NF1: variants seen among roughly 807,000 people sequenced by gnomAD.
NF1 encodes neurofibromin 1.
A neutral mutation model predicts 325.7 loss-of-function variants in NF1; 122 were observed. The observed-to-expected ratio is 0.37, with a 90% CI of 0.32 to 0.44. The LOEUF is 0.44. Ranked by LOEUF, NF1 falls within the 20% of genes least tolerant of loss-of-function variation. The probability of loss-of-function intolerance (pLI) is 1.00; values close to 1 mark genes in which losing one functional copy is unlikely to be tolerated. For synonymous variants in NF1, 1,091 were observed against 1,186.0 expected, an observed-to-expected ratio of 0.92 and a Z score of 1.65; for missense variants, 2,140 against 3,415.4, an observed-to-expected ratio of 0.63 and a Z score of 9.31.
intron 36 of NF1, among the ~76,000 whole-genome samples, chr17:31,280,652 A>G (rs2068100819): frequency 6.6e-6 from 1 of 152,002 alleles, no homozygotes; most frequent in Non-Finnish European, 1.5e-5. Context: ...GGCTATTACA[A>G]CAATTTCCTA....
At chr17:31,184,666 A>AAAAAAAAAAAAAAAAAAAAAT (rs1567828025) in intron 8 of NF1, among the ~76,000 whole-genome samples, 1 of 140,560 alleles carries the variant, frequency 7.1e-6, no homozygotes, top group East Asian at 2.1e-4. Flanking sequence ...AAAATAAAAA[A>AAAAAAAAAAAAAAAAAAAAAT]AAAAAATAAA....
chr17:31,192,616 G>A (rs2066365894), intron 8 of NF1, among the ~76,000 whole-genome samples: 1 of 152,114 alleles, frequency 6.6e-6, no homozygotes. Context: ...GCTCTTAGTC[G>A]ATTAATCTCC....
chr17:31,144,017 G>T (rs981711804), intron 1 of NF1, among the ~76,000 whole-genome samples: 1 of 151,952 alleles, frequency 6.6e-6, no homozygotes, highest in Non-Finnish European at 1.5e-5. Context: ...TAGAGACAGG[G>T]TTTCACCGTA....
chr17:31,307,184 G>A (rs979936574), intron 36 of NF1, among the ~76,000 whole-genome samples: 2 of 152,006 alleles, frequency 1.3e-5, no homozygotes, highest in Non-Finnish European at 2.9e-5. Context: ...ACCACGCCTG[G>A]CCTATTTTTG....
At chr17:31,097,079 C>T (rs1270955113) in intron 1 of NF1, among the ~76,000 whole-genome samples, 1 of 152,106 alleles carries the variant, frequency 6.6e-6, no homozygotes, top group Admixed American at 6.5e-5. Flanking sequence ...AAATTTTTTT[C>T]AGTTTTTTCT....
chr17:31,148,497 GATTACTATGGGATTGGTCATTAGTC>G lies in NF1; in HGVS notation c.61-7464_61-7440del, dbSNP rs1479491862. On this transcript the variant is annotated intron_variant, in intron 1 of 57. Coordinates refer to ENST00000358273, the MANE Select transcript of NF1 (RefSeq NM_001042492.3). ...TCGTTCAAGATTACAACTGAGTGAG[GATTACTATGGGATTGGTCATTAGTC>G]ATTACTATGGGATTGGTCATTGTTT... Among the ~76,000 whole-genome samples the G allele has an allele frequency of 4.0e-5, 6 of 151,862 alleles. No individual in the cohort carries two copies. The East Asian group carries it at 7.7e-4, about 20-fold the overall frequency.
Position 31,177,706 on chromosome 17 carries a change from A to T in NF1, c.587-3716A>T, listed in dbSNP as rs562120643. On this transcript the variant is annotated intron_variant, in intron 5 of 57. Transcript: ENST00000358273. The stretch of plus-strand genomic sequence containing the variant: ...TGATGGAGCTGAAAAATACAGCATG[A>T]GAACTTCGTGAAGCATACACAAGTA... Among the ~76,000 whole-genome samples the T allele has an allele frequency of 2.6e-5, 4 of 152,128 alleles. No homozygotes were observed. In the South Asian group the frequency reaches 8.3e-4, roughly 32 times the overall value.
intron 3 of NF1, among the ~76,000 whole-genome samples, chr17:31,160,976 TTA>T (rs1416353516): frequency 6.6e-6 from 1 of 152,248 alleles, no homozygotes; most frequent in African/African-American, 2.4e-5. Context: ...GTAATGCTAT[TTA>T]TATTATTGAA....
chr17:31,335,190 T>C (rs1021946265), intron 40 of NF1, among the ~76,000 whole-genome samples, 159 bp downstream of exon 40: 2 of 146,032 alleles, frequency 1.4e-5, no homozygotes, highest in Non-Finnish European at 3.0e-5. Flanking sequence ...CAGCTCTTCA[T>C]CTGGTTCAAA....
At chr17:31,148,735 A>G (rs917019866) in intron 1 of NF1, among the ~76,000 whole-genome samples, 2 of 152,160 alleles carry the variant, frequency 1.3e-5, no homozygotes, top group East Asian at 1.9e-4. Context: ...TTAAAATACC[A>G]CAGAATTATT....
chr17:31,195,530 C>G (rs1384797939), intron 8 of NF1, among the ~76,000 whole-genome samples: 2 of 152,110 alleles, frequency 1.3e-5, no homozygotes, highest in African/African-American at 4.8e-5. Flanking sequence ...AAACAGCTCT[C>G]CGTTCTTCCC....
Position 31,232,756 on chromosome 17 carries a change from G to A in NF1, c.3371G>A (p.Ser1124Asn), listed in dbSNP as rs374472758. ...GACTGCAGTGAAGTTGAAGATGAAA[G>A]TGCGCAAACAGGTGGCAGGAAACGT... ...LNDCSEVEDE[S>N]AQTGGRKRGM... Residue 1124 changes from serine to asparagine, a missense_variant, in exon 26 of 58, where the codon AGT (serine) becomes AAT (asparagine). Physicochemically the swap from Ser to Asn is conservative, Grantham distance 46. This residue lies in a region of NF1 where 380 missense variants were observed against 639.3 expected (regional missense o/e 0.59). Transcript: ENST00000358273. 6.2e-6 allele frequency: 10 copies of A among 1,613,648 alleles called. No individual in the cohort carries two copies. The African/African-American group carries it at 1.3e-4, about 22-fold the overall frequency.
intron 20 of NF1, 132 bp from the exon 21 acceptor site, chr17:31,228,893 T>C: frequency 1.5e-6 from 1 of 674,382 alleles, no homozygotes; most frequent in Non-Finnish European, 2.5e-6. Flanking sequence ...GGTAATTTTA[T>C]GGGTTGATTT....
chr17:31,139,337 G>A (rs1251026977), intron 1 of NF1, among the ~76,000 whole-genome samples: 2 of 151,544 alleles, frequency 1.3e-5, no homozygotes, highest in African/African-American at 2.4e-5. Context: ...ATGAGTCATT[G>A]CGCCTGGCCT....
chr17:31,146,265 C>T (rs1298875357), intron 1 of NF1, among the ~76,000 whole-genome samples: 1 of 152,104 alleles, frequency 6.6e-6, no homozygotes, highest in Non-Finnish European at 1.5e-5. Context: ...TTTTTGGGAG[C>T]GCCAACCCAG....
intron 36 of NF1, chr17:31,320,348 A>AC: frequency 1.3e-6 from 2 of 1,528,592 alleles, no homozygotes; most frequent in Non-Finnish European, 1.7e-6. Context: ...TTATTTAAAA[A>AC]AAAAAAAAAA....
rs900644345 is a variant in NF1 at position 31,159,210 on chromosome 17, A to G, written c.288+117A>G. On this transcript the variant is annotated intron_variant, in intron 3 of 57. Transcript: ENST00000358273. ...AGTCCTATGGACTTTTGTCTGAGAC[A>G]TATAAATATGAGTTTTGTTAATATA... The G allele has an allele frequency of 8.1e-6, 6 of 737,504 alleles. No individual in the cohort carries two copies. In the African/African-American group the frequency reaches 8.7e-5, roughly 11 times the overall value. 45.7% of individuals were successfully genotyped at this position (737,504 alleles called of 1,614,324 possible). A position where few individuals can be genotyped will look rare whatever the true frequency, so the allele number is the denominator to read the frequency against.
Position 31,359,022 on chromosome 17 carries a change from A to G in NF1, c.8160+7A>G. On this transcript the variant is annotated splice_region_variant and intron_variant, in intron 56 of 57. Coordinates refer to ENST00000358273, the MANE Select transcript of NF1 (RefSeq NM_001042492.3). ...TGCAGGACCGTTTTCAAAGGTAAGA[A>G]AATATATTTTTCTCTAACTTTTGGC... is the stretch of plus-strand genomic sequence containing the variant. The G allele has an allele frequency of 1.9e-6, 3 of 1,613,342 alleles. No individual in the cohort carries two copies. The highest frequency in any genetic ancestry group is 2.5e-6 in the Non-Finnish European group (3 of 1,179,528).
chr17:31,209,522 AT>A (rs1408433806), intron 12 of NF1, among the ~76,000 whole-genome samples: 3 of 152,338 alleles, frequency 2.0e-5, no homozygotes, highest in Admixed American at 2.0e-4. Flanking sequence ...AATACTTCTG[AT>A]TCTTCCACAA....
Sources: allele counts gnomAD v4.1 joint callset (sites outside exome capture counted in the v4.1 genomes callset), GRCh38; gene constraint gnomAD v4.1.1; regional missense constraint gnomAD v4.1.1; transcripts MANE v1.5; gene names NCBI Gene and HGNC (gene_info 2026-07-23, HGNC 2026-07-21).